Variants in CEP112 observed in about 807,000 individuals in gnomAD.
CEP112 encodes centrosomal protein 112, also known as centrosomal protein of 112 kDa.
CEP112 carries 127 observed loss-of-function variants against 153.0 expected under a neutral mutation model. The observed-to-expected ratio is 0.83, with a 90% CI of 0.72 to 0.96. The LOEUF is 0.96. Among genes scored for constraint, CEP112 ranks in the 40% least tolerant of loss-of-function variants. The probability of loss-of-function intolerance (pLI) is 0.00; values close to 1 mark genes in which losing one functional copy is unlikely to be tolerated. For synonymous variants in CEP112, 358 were observed against 374.4 expected (o/e 0.96, Z 0.51); for missense variants, 1,089 against 1,101.2 (o/e 0.99, Z 0.16).
chr17:66,085,346 C>A (rs1176556941), intron 8 of CEP112, among the ~76,000 whole-genome samples: 1 of 152,174 alleles, frequency 6.6e-6, no homozygotes, highest in Non-Finnish European at 1.5e-5. Flanking sequence ...ACTCCATACA[C>A]TCCCATGCCT....
At chr17:65,666,542 G>A (rs1018961759) in intron 24 of CEP112, among the ~76,000 whole-genome samples, 1 of 152,170 alleles carries the variant, frequency 6.6e-6, no homozygotes, top group Non-Finnish European at 1.5e-5. Flanking sequence ...GTTATTTGCT[G>A]TATGTCTTAA....
At chr17:65,917,317 G>C (rs758709136) in intron 19 of CEP112, among the ~76,000 whole-genome samples, 1 of 152,108 alleles carries the variant, frequency 6.6e-6, no homozygotes, top group African/African-American at 2.4e-5. Context: ...TTCAAAAAGA[G>C]TATGATAAGG....
At chr17:65,803,497 C>A (rs2055403197) in intron 21 of CEP112, among the ~76,000 whole-genome samples, 2 of 152,080 alleles carry the variant, frequency 1.3e-5, no homozygotes, top group Middle Eastern at 3.2e-3. Flanking sequence ...AAATTTATAT[C>A]AAAAAGTTTC....
At chr17:65,979,403 T>C (rs2063150921) in intron 17 of CEP112, among the ~76,000 whole-genome samples, 1 of 151,900 alleles carries the variant, frequency 6.6e-6, no homozygotes, top group Admixed American at 6.6e-5. Flanking sequence ...GGGTCTATTT[T>C]TATTAAAAAA....
intron 19 of CEP112, among the ~76,000 whole-genome samples, chr17:65,912,947 T>C (rs759677543): frequency 1.3e-5 from 2 of 152,196 alleles, no homozygotes; most frequent in Non-Finnish European, 2.9e-5. Context: ...GTGGAAGTAA[T>C]TGTTGTGTTT....
chr17:65,755,705 G>A (rs1299529884), intron 21 of CEP112, among the ~76,000 whole-genome samples: 1 of 151,866 alleles, frequency 6.6e-6, no homozygotes. Context: ...ATGAGTCAAG[G>A]ATGACTTCAA....
chr17:65,807,879 C>A (rs1329117741), intron 21 of CEP112, among the ~76,000 whole-genome samples: 1 of 152,218 alleles, frequency 6.6e-6, no homozygotes, highest in Non-Finnish European at 1.5e-5. Context: ...GGGGTTGGAG[C>A]CCCCATACAG....
chr17:65,718,582 T>G (rs193141900), intron 23 of CEP112, among the ~76,000 whole-genome samples: 1 of 152,298 alleles, frequency 6.6e-6, no homozygotes, highest in Non-Finnish European at 1.5e-5. Flanking sequence ...CTATTGACTT[T>G]ATTTTGGGAG....
intron 17 of CEP112, among the ~76,000 whole-genome samples, chr17:65,970,200 A>G (rs947882948): frequency 8.3e-6 from 1 of 120,518 alleles, no homozygotes; most frequent in Non-Finnish European, 1.8e-5. Context: ...TATATGCTGC[A>G]TGCATGTCAT....
At chr17:65,881,708 G>A (rs970917829) in intron 20 of CEP112, among the ~76,000 whole-genome samples, 3 of 151,938 alleles carry the variant, frequency 2.0e-5, no homozygotes, top group African/African-American at 7.3e-5. Context: ...ACATGCCAAT[G>A]GTATAAGAGA....
chr17:65,661,901 C>T (rs1364634129), intron 24 of CEP112: 1 of 151,976 alleles, frequency 6.6e-6, no homozygotes, highest in Admixed American at 6.6e-5. Context: ...ATTTTTTTTA[C>T]ACAGCAGATA....
chr17:65,786,094 AT>A (rs2054260956), intron 21 of CEP112, among the ~76,000 whole-genome samples: 1 of 152,106 alleles, frequency 6.6e-6, no homozygotes, highest in African/African-American at 2.4e-5. Context: ...TAATTTTTTC[AT>A]TGATGTTTTG....
At position 65,935,488 on chromosome 17, in the gene CEP112, C is replaced by A. The variant is rs7219972; in HGVS notation, c.1873-7799G>T. Among the ~76,000 whole-genome samples, 194 of 152,258 alleles carry A rather than the reference C, an allele frequency of 1.3e-3. 2 individuals carry two copies. Among genetic ancestry groups the A allele is most frequent in the African/African-American group, 4.4e-3 (184 of 41,572 alleles). ...GAATACACTTATGTCTCAAGTACAA[C>A]ATGAAACATTCTGCAGAACTATGTT... On this transcript the variant is annotated intron_variant, in intron 18 of 26. Coordinates refer to ENST00000535342, the MANE Select transcript of CEP112 (RefSeq NM_001199165.4).
At chr17:65,940,952 G>A (rs1260415947) in intron 18 of CEP112, among the ~76,000 whole-genome samples, 2 of 152,080 alleles carry the variant, frequency 1.3e-5, no homozygotes, top group East Asian at 3.9e-4. Context: ...CATCTACATT[G>A]TGTGCATGTG....
At chr17:65,776,243 C>CT (rs138076907) in intron 21 of CEP112, among the ~76,000 whole-genome samples, 7,219 of 151,570 alleles carry the variant, frequency 0.048, 618 homozygotes, top group African/African-American at 0.16. Flanking sequence ...CCCCCATCCC[C>CT]TTTTTTTTTG....
intron 26 of CEP112, 60 bp downstream of exon 26, chr17:65,637,064 G>A (rs754221006): frequency 1.7e-5 from 21 of 1,266,140 alleles, no homozygotes; most frequent in Non-Finnish European, 2.3e-5. Flanking sequence ...AGACAAGGAG[G>A]CTCACAGGTG....
intron 21 of CEP112, among the ~76,000 whole-genome samples, chr17:65,776,274 G>A (rs574722020): frequency 2.0e-5 from 3 of 151,952 alleles, no homozygotes; most frequent in East Asian, 3.9e-4. Flanking sequence ...TCGCTCTGTC[G>A]CCCAGGCTGG....
chr17:65,789,133 G>A (rs1004457086), intron 21 of CEP112, among the ~76,000 whole-genome samples: 3 of 152,092 alleles, frequency 2.0e-5, no homozygotes, highest in Non-Finnish European at 2.9e-5. Context: ...AACTGAACTC[G>A]ATCATTTCTT....
chr17:66,182,793 T>C (rs2072771555), intron 2 of CEP112, among the ~76,000 whole-genome samples: 1 of 152,234 alleles, frequency 6.6e-6, no homozygotes, highest in Non-Finnish European at 1.5e-5. Context: ...TAGATTATTT[T>C]CTGCTTTGAT....
Sources: gnomAD v4.1 joint callset for allele counts (sites outside exome capture counted in the v4.1 genomes callset) on GRCh38, gnomAD v4.1.1 for gene constraint, MANE v1.5 for transcripts, NCBI Gene and HGNC (gene_info 2026-07-23, HGNC 2026-07-21) for gene names.